Variants in UNC79 observed in about 807,000 individuals in gnomAD.
UNC79 encodes protein unc-79 homolog.
In UNC79, 37 loss-of-function variants were observed where a neutral mutation model predicts 283.1. The ratio of observed to expected loss-of-function variants is 0.13; its 90% CI spans 0.10 to 0.17. The LOEUF is 0.17. Ranked by LOEUF, UNC79 falls within the 10% of genes least tolerant of loss-of-function variation. UNC79 has a pLI of 1.00. For synonymous variants in UNC79, 1,107 were observed against 1,200.2 expected (o/e 0.92, Z 1.61); for missense variants, 2,272 against 3,211.1 (o/e 0.71, Z 7.07).
At chr14:93,439,617 G>A (rs2056220722) in intron 1 of UNC79, among the ~76,000 whole-genome samples, 6 of 152,044 alleles carry the variant, frequency 3.9e-5, no homozygotes, top group Admixed American at 3.9e-4. Flanking sequence ...ACTACATAAA[G>A]TGAGCCTGGA....
chr14:93,576,222 C>A (rs925068002), intron 17 of UNC79, among the ~76,000 whole-genome samples: 1 of 152,144 alleles, frequency 6.6e-6, no homozygotes, highest in Admixed American at 6.5e-5. Flanking sequence ...CCTACAGAAA[C>A]ACCGTGAATA....
At chr14:93,475,556 G>A (rs1049989916) in intron 3 of UNC79, among the ~76,000 whole-genome samples, 1 of 152,060 alleles carries the variant, frequency 6.6e-6, no homozygotes, top group Non-Finnish European at 1.5e-5. Flanking sequence ...TTCTGTAGCC[G>A]TCTTAAATCT....
In UNC79 at chr14:93,690,515, C is replaced by G; in HGVS notation, c.7272+212C>G. The G allele has an allele frequency of 2.0e-6, 1 of 497,488 alleles. No individual in the cohort carries two copies. Among genetic ancestry groups the G allele is most frequent in the Non-Finnish European group, 3.4e-6 (1 of 297,782 alleles). The allele number at this position is 497,488 out of a possible 1,614,324, so 30.8% of individuals were successfully genotyped here. ...CGCCCCCAAATTGTTTTTCGGCTTACTTTTATAAAGATAAATCATGGAGTC... is the reference window on the plus strand; with the variant it reads ...CGCCCCCAAATTGTTTTTCGGCTTAGTTTTATAAAGATAAATCATGGAGTC... On this transcript the variant is annotated intron_variant, in intron 45 of 48. Transcript: ENST00000555664. This position sits in a 1 kb window ranked among gnomAD's most constrained non-coding sequence, Gnocchi z 4.3.
intron 44 of UNC79, chr14:93,689,769 G>A (rs1343162184): frequency 2.9e-5 from 6 of 207,182 alleles, no homozygotes; most frequent in Non-Finnish European, 3.9e-5. Flanking sequence ...GATTACAGGC[G>A]TGAGCCACCG....
At chr14:93,365,169 T>TGAAGTGAGGACTGTGAGA (rs1490883296) in intron 1 of UNC79, among the ~76,000 whole-genome samples, 98 of 152,210 alleles carry the variant, frequency 6.4e-4, no homozygotes, top group African/African-American at 2.3e-3. Flanking sequence ...GTGGATCACT[T>TGAAGTGAGGACTGTGAGA]GAAGTGAGGA....
chr14:93,608,089 G>A (rs1282614850), intron 26 of UNC79, among the ~76,000 whole-genome samples: 1 of 152,100 alleles, frequency 6.6e-6, no homozygotes, highest in Non-Finnish European at 1.5e-5. Context: ...TGAGCTTCTG[G>A]GCTCAAGGGA....
chr14:93,653,260 A>G (rs2070505505), intron 35 of UNC79, among the ~76,000 whole-genome samples: 1 of 152,024 alleles, frequency 6.6e-6, no homozygotes, highest in South Asian at 2.1e-4. Flanking sequence ...TACAAGTGTC[A>G]GCTCAGATGC....
intron 32 of UNC79, among the ~76,000 whole-genome samples, chr14:93,639,690 C>T (rs1045407637): frequency 2.0e-5 from 3 of 152,212 alleles, no homozygotes; most frequent in Non-Finnish European, 4.4e-5. Flanking sequence ...AAATGTTCTT[C>T]TTATACTCGT....
At chr14:93,409,765 A>T (rs948323348) in intron 1 of UNC79, among the ~76,000 whole-genome samples, 13 of 152,248 alleles carry the variant, frequency 8.5e-5, no homozygotes, top group Admixed American at 2.0e-4. Context: ...ATTCCTATGA[A>T]TAAAAACAGT....
chr14:93,499,016 G>A (rs1595659027), intron 7 of UNC79, among the ~76,000 whole-genome samples: 1 of 152,148 alleles, frequency 6.6e-6, no homozygotes, highest in Non-Finnish European at 1.5e-5. Context: ...TTTTCAAGGG[G>A]ATTTAACTGA....
chr14:93,634,924 T>C (rs2068379237), intron 31 of UNC79, among the ~76,000 whole-genome samples: 1 of 152,178 alleles, frequency 6.6e-6, no homozygotes. Flanking sequence ...TATGGTTTCA[T>C]GATGCAAATA....
chr14:93,586,528 T>C (rs1384456515), intron 20 of UNC79, 68 bp from the exon 21 acceptor site: 1 of 1,403,782 alleles, frequency 7.1e-7, no homozygotes, highest in East Asian at 2.3e-5. Context: ...TTTATGATCT[T>C]GATAAATTGA....
chr14:93,509,217 C>T (rs2059696209), intron 7 of UNC79, among the ~76,000 whole-genome samples: 2 of 152,162 alleles, frequency 1.3e-5, no homozygotes, highest in South Asian at 4.1e-4. Context: ...CCAATCACCC[C>T]TCACCAGGCC....
chr14:93,560,703 A>G (rs577245366), intron 14 of UNC79, among the ~76,000 whole-genome samples: 2 of 152,324 alleles, frequency 1.3e-5, no homozygotes, highest in South Asian at 2.1e-4. Flanking sequence ...TGCCTGTCCA[A>G]TTAGCAGGTA....
chr14:93,578,992 G>A (rs1446936356), intron 18 of UNC79, among the ~76,000 whole-genome samples: 2 of 151,816 alleles, frequency 1.3e-5, no homozygotes, highest in Non-Finnish European at 2.9e-5. Flanking sequence ...AATTTTTGTG[G>A]GTACCTCGTA....
At chr14:93,604,546 T>C (rs1328646624) in intron 26 of UNC79, among the ~76,000 whole-genome samples, 1 of 152,192 alleles carries the variant, frequency 6.6e-6, no homozygotes, top group Non-Finnish European at 1.5e-5. Context: ...TGAAACTGTT[T>C]AAATCCTAGA....
intron 30 of UNC79, among the ~76,000 whole-genome samples, chr14:93,628,012 G>T (rs1307658187): frequency 6.6e-6 from 1 of 152,142 alleles, no homozygotes; most frequent in Admixed American, 6.5e-5. Context: ...ATTGGCTAGG[G>T]ATGATTATTT....
intron 42 of UNC79, among the ~76,000 whole-genome samples, chr14:93,685,942 T>G (rs555864410): frequency 3.3e-5 from 5 of 152,326 alleles, no homozygotes; most frequent in African/African-American, 1.2e-4. Flanking sequence ...AGATGACCAT[T>G]TCGTTTCTTT....
At position 93,360,033 on chromosome 14, in the gene UNC79, G is replaced by A. The variant is rs546746299; in HGVS notation, c.-351+26510G>A. Among the ~76,000 whole-genome samples the A allele has an allele frequency of 4.9e-3, 739 of 152,242 alleles. 4 individuals carry two copies. The highest frequency in any genetic ancestry group is 0.017 in the African/African-American group (694 of 41,532). On this transcript the variant is annotated intron_variant, in intron 1 of 49. Coordinates refer to the UNC79 transcript ENST00000256339. ...CATTGTGGTCCTCCAGTTAAAGTAG[G>A]GACTTATGGAGGTAAGGTAATTAAT... is the stretch of plus-strand genomic sequence containing the variant.
Sources: allele counts gnomAD v4.1 joint callset (sites outside exome capture counted in the v4.1 genomes callset), GRCh38; gene constraint gnomAD v4.1.1; non-coding constraint Gnocchi (gnomAD v3.1); transcripts MANE v1.5; gene names NCBI Gene and HGNC (gene_info 2026-07-23, HGNC 2026-07-21).